The following L3MBTL4 variants were observed in gnomAD, a reference collection of about 807,000 sequenced individuals.
L3MBTL4 encodes the protein L3MBTL histone methyl-lysine binding protein 4, also known as lethal(3)malignant brain tumor-like protein 4.
In L3MBTL4, 70 loss-of-function variants were observed where a neutral mutation model predicts 84.5. The ratio of observed to expected loss-of-function variants is 0.83; its 90% confidence interval spans 0.68 to 1.01. The LOEUF is 1.01. L3MBTL4 is among the 50% of genes least tolerant of loss of function. The pLI is 0.00. For missense variants in L3MBTL4, 715 were observed against 754.8 expected, an observed-to-expected ratio of 0.95 and a Z score of 0.62; for synonymous variants, 274 against 259.8, an observed-to-expected ratio of 1.05 and a Z score of -0.52.
rs527904801 is a variant in L3MBTL4 at position 6,059,143 on chromosome 18, A to G, written c.1444+21738T>C. ...ATGTGGAAAGGTGAAGCTGCATTCTATTATAACCAGAGACAGTGTCAGTAT... is the reference window on the plus strand; with the variant it reads ...ATGTGGAAAGGTGAAGCTGCATTCTGTTATAACCAGAGACAGTGTCAGTAT... On this transcript the variant is annotated intron_variant, in intron 16 of 18. Coordinates refer to ENST00000317931, the MANE Select transcript of L3MBTL4 (RefSeq NM_001330559.2). Among the ~76,000 whole-genome samples the G allele has an allele frequency of 1.7e-3, 255 of 152,178 alleles. 1 individual carries two copies. The highest frequency in any genetic ancestry group is 1.5e-3 in the Non-Finnish European group (101 of 68,040).
intron 5 of L3MBTL4, among the ~76,000 whole-genome samples, chr18:6,263,133 G>A (rs1382344711): frequency 5.9e-5 from 9 of 152,136 alleles, no homozygotes; most frequent in South Asian, 2.1e-4. Context: ...AGCTGGGCAT[G>A]GTGGCACGCA....
chr18:5,994,309 C>T (rs892127885), intron 16 of L3MBTL4, among the ~76,000 whole-genome samples: 2 of 152,208 alleles, frequency 1.3e-5, no homozygotes, highest in African/African-American at 2.4e-5. Flanking sequence ...TCACTTACTG[C>T]TATGTCTTCA....
chr18:5,970,039 C>A (rs1269142157), intron 16 of L3MBTL4, among the ~76,000 whole-genome samples: 2 of 152,222 alleles, frequency 1.3e-5, no homozygotes, highest in Non-Finnish European at 2.9e-5. Context: ...CAGTCCACAT[C>A]TGGCTTCATA....
In L3MBTL4 at chr18:5,969,467, C is replaced by T; in HGVS notation, c.1540G>A (p.Glu514Lys). Reference sequence around the variant, plus strand: ...CCTGGAAGCAACTTGCAGTGTTGCTCCCTGCCGAGGGGAAGGTCCCGAAAA... The same window carrying T: ...CCTGGAAGCAACTTGCAGTGTTGCTTCCTGCCGAGGGGAAGGTCCCGAAAA... ...HPFRDLPLGR[E>K]QHCKLLPGVA... Residue 514 changes from glutamate to lysine, a missense_variant, in exon 17 of 19, where the codon GAG (glutamate) becomes AAG (lysine). Transcript: ENST00000317931. 1.2e-6 allele frequency: 2 copies of T among 1,614,032 alleles called. No homozygotes were observed. The highest frequency in any genetic ancestry group is 1.1e-5 in the South Asian group (1 of 91,064).
chr18:6,083,067 G>A (rs1439823429), intron 15 of L3MBTL4, among the ~76,000 whole-genome samples: 2 of 152,186 alleles, frequency 1.3e-5, no homozygotes, highest in Non-Finnish European at 2.9e-5. Context: ...GTCGATAATG[G>A]AGCCAAAATC....
intron 16 of L3MBTL4, among the ~76,000 whole-genome samples, chr18:6,017,284 G>A (rs2055035527): frequency 6.6e-6 from 1 of 152,150 alleles, no homozygotes; most frequent in Non-Finnish European, 1.5e-5. Context: ...GTCTGGGCCT[G>A]CTGCTGATTG....
At chr18:6,124,996 C>T (rs893309050) in intron 14 of L3MBTL4, among the ~76,000 whole-genome samples, 4 of 151,632 alleles carry the variant, frequency 2.6e-5, no homozygotes, top group Non-Finnish European at 4.4e-5. Context: ...TGCCTCTTTC[C>T]CAAAAGAAAG....
In L3MBTL4 at chr18:6,171,834, G is replaced by A. The variant is rs1210308956; in HGVS notation, c.1090C>T (p.Pro364Ser). Residue 364 changes from proline (P) to serine (S), a missense_variant, in exon 13 of 19, where the codon CCA becomes TCA. Transcript: ENST00000317931. ...CDVTGHPLEV[P>S]QRTNDLKILP... is the part of the protein sequence containing the mutation. ...CAAAGAGCAAAGTACTCACGCTGTG[G>A]CACTTCCAGTGGATGCCCTGTGACA... 3.3e-6 allele frequency: 5 copies of A among 1,537,574 alleles called. No homozygotes were observed. The South Asian group carries it at 6.0e-5, about 19-fold the overall frequency.
At chr18:6,345,687 G>T (rs1206072032) in intron 1 of L3MBTL4, among the ~76,000 whole-genome samples, 1 of 152,066 alleles carries the variant, frequency 6.6e-6, no homozygotes, top group Non-Finnish European at 1.5e-5. Flanking sequence ...CACAAATACA[G>T]AGAAACATAC....
chr18:6,271,283 G>A (rs1010609225), intron 4 of L3MBTL4, among the ~76,000 whole-genome samples: 4 of 152,090 alleles, frequency 2.6e-5, no homozygotes, highest in Admixed American at 6.5e-5. Flanking sequence ...GTGATGGCGC[G>A]TTAACTAGTT....
rs2055858866 is a variant in L3MBTL4, at chr18:6,032,366, G to A, written c.1444+48515C>T. On this transcript the variant is annotated intron_variant, in intron 16 of 18. Coordinates refer to ENST00000317931, the MANE Select transcript of L3MBTL4 (RefSeq NM_001330559.2). ...TGTTTTATATCACTGAATGGAATCTGCGTTTTCATGAAATATGTTACACAC... is the reference window on the plus strand; with the variant it reads ...TGTTTTATATCACTGAATGGAATCTACGTTTTCATGAAATATGTTACACAC... 4.4e-6 allele frequency: 4 copies of A among 903,186 alleles called. No individual in the cohort carries two copies. The African/African-American group carries it at 7.4e-5, about 17-fold the overall frequency. 55.9% of individuals were successfully genotyped at this position (903,186 alleles called of 1,614,324 possible).
Position 5,955,029 on chromosome 18 carries a change from C to G in L3MBTL4, c.*1191G>C, listed in dbSNP as rs2095219313. On this transcript the variant is annotated 3_prime_UTR_variant, in exon 19 of 19. Transcript: ENST00000317931. ...TTAATGAAGCAAGTGGACATAGAACCTCTCCCTCTTTCTCCCCACCCACAA... is the reference window on the plus strand; with the variant it reads ...TTAATGAAGCAAGTGGACATAGAACGTCTCCCTCTTTCTCCCCACCCACAA... The G allele has an allele frequency of 6.6e-6, 1 of 152,142 alleles. No homozygotes were observed. Among genetic ancestry groups the G allele is most frequent in the Non-Finnish European group, 1.5e-5 (1 of 68,028 alleles). 9.4% of individuals were successfully genotyped at this position (152,142 alleles called of 1,614,324 possible). A position where few individuals can be genotyped will look rare whatever the true frequency, so the allele number is the denominator to read the frequency against.
chr18:6,169,245 T>G (rs1002912711), intron 13 of L3MBTL4, among the ~76,000 whole-genome samples: 9 of 152,190 alleles, frequency 5.9e-5, no homozygotes, highest in Non-Finnish European at 8.8e-5. Context: ...TGTAAACTAG[T>G]TCAACCATTG....
intron 16 of L3MBTL4, among the ~76,000 whole-genome samples, chr18:6,035,671 T>C (rs533911363): frequency 2.0e-4 from 31 of 152,282 alleles, no homozygotes; most frequent in African/African-American, 7.0e-4. Flanking sequence ...AGTAGTTTTT[T>C]CCAATTCTGT....
chr18:6,402,777 G>A (rs1171069457), intron 1 of L3MBTL4, among the ~76,000 whole-genome samples: 3 of 152,146 alleles, frequency 2.0e-5, no homozygotes, highest in African/African-American at 7.2e-5. Flanking sequence ...TAACGTTTGA[G>A]AGTGTCAGAA....
intron 16 of L3MBTL4, among the ~76,000 whole-genome samples, chr18:6,004,363 T>A (rs1358120750): frequency 6.6e-6 from 1 of 152,168 alleles, no homozygotes; most frequent in Admixed American, 6.5e-5. Context: ...TATAGCTAGT[T>A]AGGAGATTGA....
chr18:6,050,548 G>A (rs1209134357), intron 16 of L3MBTL4, among the ~76,000 whole-genome samples: 1 of 152,116 alleles, frequency 6.6e-6, no homozygotes, highest in Non-Finnish European at 1.5e-5. Context: ...AATTTCTAAA[G>A]TATATAGCTT....
At chr18:6,396,181 C>A (rs1205912783) in intron 1 of L3MBTL4, 6 of 152,220 alleles carry the variant, frequency 3.9e-5, no homozygotes, top group African/African-American at 1.4e-4. Context: ...TCAAACAGGG[C>A]TCTTCTTATA....
chr18:6,314,053 GAT>G (rs1426800388), intron 1 of L3MBTL4, among the ~76,000 whole-genome samples: 3 of 101,224 alleles, frequency 3.0e-5, no homozygotes, highest in Non-Finnish European at 4.2e-5. Flanking sequence ...TAGATAGATA[GAT>G]AGATAGATAG....
Sources: gnomAD v4.1 joint callset for allele counts (sites outside exome capture counted in the v4.1 genomes callset) on GRCh38, gnomAD v4.1.1 for gene constraint, MANE v1.5 for transcripts, NCBI Gene and HGNC (gene_info 2026-07-23, HGNC 2026-07-21) for gene names.